Variants in PKP4 observed in about 807,000 individuals in gnomAD.
PKP4 encodes the protein plakophilin 4, also known as plakophilin-4.
In PKP4, 90 loss-of-function variants were observed where a neutral mutation model predicts 145.1. That is an observed-to-expected ratio of 0.62 (90% CI 0.52 to 0.74). The LOEUF (loss-of-function observed/expected upper bound fraction) is 0.74, where lower values mean the gene tolerates loss of function less well. Ranked by LOEUF, PKP4 falls within the 30% of genes least tolerant of loss-of-function variation. The pLI is 0.00. For synonymous variants in PKP4, 563 were observed against 577.2 expected, an observed-to-expected ratio of 0.98 and a Z score of 0.35; for missense variants, 1,340 against 1,482.7, an observed-to-expected ratio of 0.90 and a Z score of 1.58.
intron 2 of PKP4, among the ~76,000 whole-genome samples, chr2:158,552,668 G>A (rs905493528): frequency 1.3e-5 from 2 of 152,140 alleles, no homozygotes; most frequent in African/African-American, 2.4e-5. Flanking sequence ...TACTGGTTCA[G>A]TACTAGACCA....
rs779120640 is a variant in PKP4, at chr2:158,624,859, T to C, written c.604-19T>C. On this transcript the variant is annotated intron_variant, in intron 6 of 21. Coordinates refer to ENST00000389759, the MANE Select transcript of PKP4 (RefSeq NM_003628.6). ...AACCCTGGATAAACCCATTCTCTTT[T>C]TTCCCCCCCTTTCATCAGCCATCAG... 11 of 1,546,544 alleles carry C rather than the reference T, an allele frequency of 7.1e-6. No individual in the cohort carries two copies. Among genetic ancestry groups the C allele is most frequent in the East Asian group, 2.3e-5 (1 of 44,198 alleles).
At chr2:158,487,948 CT>C (rs939288872) in intron 1 of PKP4, among the ~76,000 whole-genome samples, 84 of 152,218 alleles carry the variant, frequency 5.5e-4, no homozygotes, top group African/African-American at 1.9e-3. Context: ...GGAGATATGC[CT>C]AAATCATAAA....
intron 2 of PKP4, among the ~76,000 whole-genome samples, chr2:158,576,426 T>A (rs1427791793): frequency 2.0e-5 from 3 of 152,236 alleles, no homozygotes; most frequent in Non-Finnish European, 4.4e-5. Context: ...GAGCTTGAGA[T>A]GCTATTTGTA....
chr2:158,466,218 G>A (rs1472352039), intron 1 of PKP4, among the ~76,000 whole-genome samples: 5 of 152,090 alleles, frequency 3.3e-5, no homozygotes, highest in Non-Finnish European at 7.4e-5. Flanking sequence ...ACCTTCACCT[G>A]CTACTCTTGG....
chr2:158,487,968 T>C (rs566314555), intron 1 of PKP4, among the ~76,000 whole-genome samples: 4 of 152,334 alleles, frequency 2.6e-5, no homozygotes, highest in East Asian at 1.9e-4. Flanking sequence ...AATGAAAATA[T>C]TGATTCGTTT....
intron 1 of PKP4, among the ~76,000 whole-genome samples, chr2:158,469,059 A>G (rs1169461506): frequency 6.6e-6 from 1 of 150,920 alleles, no homozygotes; most frequent in Non-Finnish European, 1.5e-5. Flanking sequence ...GATTACAGGC[A>G]TGAACCACCA....
intron 2 of PKP4, among the ~76,000 whole-genome samples, chr2:158,560,777 T>C (rs1020805517): frequency 6.6e-6 from 1 of 152,228 alleles, no homozygotes; most frequent in Non-Finnish European, 1.5e-5. Context: ...TCCTCTGATG[T>C]GGTTGTTACT....
chr2:158,565,380 A>AGT, intron 2 of PKP4, among the ~76,000 whole-genome samples: 1 of 151,008 alleles, frequency 6.6e-6, no homozygotes, highest in Admixed American at 6.6e-5. Context: ...CAAATAAATT[A>AGT]GTCTGAACAA....
chr2:158,634,602 A>T (rs1468533978), intron 9 of PKP4, among the ~76,000 whole-genome samples: 1 of 152,224 alleles, frequency 6.6e-6, no homozygotes, highest in African/African-American at 2.4e-5. Context: ...TTGGAATTAA[A>T]CAAGGCTTTG....
intron 2 of PKP4, among the ~76,000 whole-genome samples, chr2:158,551,212 A>G (rs2045593017): frequency 6.6e-6 from 1 of 152,216 alleles, no homozygotes. Flanking sequence ...GAGCTATTAA[A>G]TAGGCACACA....
At position 158,595,154 on chromosome 2, in the gene PKP4, C is replaced by T. The variant is rs368530579; in HGVS notation, c.246-7916C>T. Among the ~76,000 whole-genome samples the T allele has an allele frequency of 1.3e-4, 20 of 152,226 alleles. 2 individuals carry two copies. The highest frequency in any genetic ancestry group is 1.2e-3 in the South Asian group (6 of 4,812). On this transcript the variant is annotated intron_variant, in intron 3 of 21. Coordinates refer to ENST00000389759, the MANE Select transcript of PKP4 (RefSeq NM_003628.6). The stretch of plus-strand genomic sequence containing the variant: ...GCAATCCTTACCTGACTAAGAGCAA[C>T]AGATAAAGGCCCTGTTTCCCAAACA...
chr2:158,677,674 T>C (rs138696966), intron 20 of PKP4, among the ~76,000 whole-genome samples: 1 of 152,370 alleles, frequency 6.6e-6, no homozygotes, highest in African/African-American at 2.4e-5. Context: ...GTCTTTGAAA[T>C]TGTGATTTCA....
intron 2 of PKP4, among the ~76,000 whole-genome samples, chr2:158,539,648 A>G (rs543095658): frequency 6.6e-6 from 1 of 152,314 alleles, no homozygotes; most frequent in South Asian, 2.1e-4. Context: ...CGTGTAACCC[A>G]CAGTGAAGTT....
intron 4 of PKP4, among the ~76,000 whole-genome samples, chr2:158,609,008 G>C (rs898765212): frequency 2.0e-5 from 3 of 151,238 alleles, no homozygotes; most frequent in African/African-American, 7.3e-5. Context: ...TTACAGACAG[G>C]GTTTTGACAT....
chr2:158,674,054 T>A, intron 19 of PKP4, 54 bp downstream of exon 19: 1 of 968,120 alleles, frequency 1.0e-6, no homozygotes, highest in Non-Finnish European at 1.7e-6. Flanking sequence ...CAGAACATTG[T>A]TCCCCAGCCA....
intron 11 of PKP4, among the ~76,000 whole-genome samples, chr2:158,645,350 A>G (rs867193716): frequency 6.6e-6 from 1 of 152,230 alleles, no homozygotes; most frequent in Non-Finnish European, 1.5e-5. Context: ...AAATGTAGCT[A>G]TGTTCATCCT....
intron 1 of PKP4, among the ~76,000 whole-genome samples, chr2:158,470,172 T>C (rs562958036): frequency 6.6e-6 from 1 of 152,004 alleles, no homozygotes; most frequent in Non-Finnish European, 1.5e-5. Flanking sequence ...TCCTAACATA[T>C]AGTAAGCAAC....
chr2:158,627,650 AATATAT>A lies in PKP4; in HGVS notation c.1153+2233_1153+2238del, dbSNP rs3836167. 2.0e-5 allele frequency among the ~76,000 whole-genome samples: 3 copies of A among 147,610 alleles called. No homozygotes were observed. In the South Asian group the frequency reaches 6.5e-4, roughly 32 times the overall value. ...TAATTTAAATGATACAAACTACAGA[AATATAT>A]ATATATATACTCTAAAATGTTCATT... On this transcript the variant is annotated intron_variant, in intron 7 of 21. Transcript: ENST00000389759.
intron 1 of PKP4, among the ~76,000 whole-genome samples, chr2:158,522,938 C>A (rs565406960): frequency 2.0e-5 from 3 of 152,162 alleles, no homozygotes; most frequent in African/African-American, 7.2e-5. Flanking sequence ...TAAAAAACGG[C>A]GCACCACCAG....
Sources: gnomAD v4.1 joint callset for allele counts (sites outside exome capture counted in the v4.1 genomes callset) on GRCh38, gnomAD v4.1.1 for gene constraint, MANE v1.5 for transcripts, NCBI Gene and HGNC (gene_info 2026-07-23, HGNC 2026-07-21) for gene names.